Variants in SPTBN5 observed in about 807,000 individuals in gnomAD.
SPTBN5 encodes the protein spectrin beta, non-erythrocytic 5.
SPTBN5 carries 513 observed loss-of-function variants against 477.6 expected under a neutral mutation model. The ratio of observed to expected loss-of-function variants is 1.07; its 90% CI spans 1.00 to 1.16. SPTBN5 has a LOEUF of 1.16. Ranked by LOEUF, SPTBN5 falls within the 50% of genes most tolerant of loss-of-function variation. The pLI is 0.00. For synonymous variants in SPTBN5, 2,169 were observed against 2,011.7 expected (o/e 1.08, Z -2.09); for missense variants, 5,062 against 4,731.8 (o/e 1.07, Z -2.05).
intron 66 of SPTBN5, chr15:41,850,478 TAGA>T (rs2065716424): frequency 7.9e-6 from 2 of 254,390 alleles, no homozygotes; most frequent in Non-Finnish European, 1.5e-5. Flanking sequence ...GTCTGAGGAC[TAGA>T]AGGTTAGAGA....
chr15:41,850,919 A>G lies in SPTBN5; in HGVS notation c.10856T>C (p.Ile3619Thr). 3 of 1,600,148 alleles carry G rather than the reference A, an allele frequency of 1.9e-6. No individual in the cohort carries two copies. Among genetic ancestry groups the G allele is most frequent in the Non-Finnish European group, 2.6e-6 (3 of 1,175,550 alleles). ...FSLRLTSGAE[I>T]LFAAPSEEQA... ...CTCTTCGGACGGTGCTGCAAACAGG[A>G]TCTCTGCCCCACTGGTCAGCCTGGC... Residue 3619 changes from isoleucine (I) to threonine (T), a missense_variant, in exon 66 of 68, where the codon ATC (isoleucine) becomes ACC (threonine). Transcript: ENST00000320955.
In SPTBN5 at chr15:41,848,502, G is replaced by A. The variant is rs1314082096; in HGVS notation, c.*114C>T. 1.6e-6 allele frequency: 2 copies of A among 1,252,392 alleles called. No individual in the cohort carries two copies. Among genetic ancestry groups the A allele is most frequent in the East Asian group, 2.3e-5 (1 of 43,192 alleles). The allele number at this position is 1,252,392 out of a possible 1,614,324, so 77.6% of individuals were successfully genotyped here. A position where few individuals can be genotyped will look rare whatever the true frequency, so the allele number is the denominator to read the frequency against. ...TTCCAGAAGCTGGGCCTGGGGAACTGGGTTGAAGCAGCCACGGGAAGGAGC... is the reference window on the plus strand; with the variant it reads ...TTCCAGAAGCTGGGCCTGGGGAACTAGGTTGAAGCAGCCACGGGAAGGAGC... On this transcript the variant is annotated 3_prime_UTR_variant, in exon 68 of 68. Coordinates refer to ENST00000320955, the MANE Select transcript of SPTBN5 (RefSeq NM_016642.4).
chr15:41,860,621 C>T lies in SPTBN5; in HGVS notation c.7953G>A (p.Gln2651=). The change falls in exon 47 of 68, where the codon CAG becomes CAA. Residue 2651 remains glutamine, a synonymous_variant. Transcript: ENST00000320955. ...GLHQGGHPEA[Q]SALGRCQAML... The stretch of plus-strand genomic sequence containing the variant: ...TGGCCTGGCACCTGCCCAGGGCACT[C>T]TGGGCCTCGGGGTGCCCACCCTGGT... 1 of 1,520,228 alleles carries T rather than the reference C, an allele frequency of 6.6e-7. No homozygotes were observed. Among genetic ancestry groups the T allele is most frequent in the Non-Finnish European group, 8.8e-7 (1 of 1,132,154 alleles). 94.2% of individuals were successfully genotyped at this position (1,520,228 alleles called of 1,614,324 possible).
At chr15:41,890,286 T>C (rs1358571527) in intron 3 of SPTBN5, 81 bp from the exon 4 acceptor site, 1 of 946,570 alleles carries the variant, frequency 1.1e-6, no homozygotes, top group Non-Finnish European at 1.7e-6. Flanking sequence ...GGGGGCCAGC[T>C]GCGGGATGGG....
intron 66 of SPTBN5, 121 bp from the exon 67 acceptor site, chr15:41,850,080 C>A: frequency 3.6e-6 from 3 of 834,130 alleles, no homozygotes; most frequent in South Asian, 1.5e-5. Flanking sequence ...CTGGCTATGC[C>A]AGGCCCTTCC....
intron 66 of SPTBN5, 34 bp downstream of exon 66, chr15:41,850,820 G>A: frequency 6.5e-7 from 1 of 1,547,022 alleles, no homozygotes; most frequent in Non-Finnish European, 8.7e-7. Flanking sequence ...CAGGGAGTCG[G>A]CCGCCCTCCC....
At chr15:41,849,530 C>T (rs1426185442) in intron 67 of SPTBN5, among the ~76,000 whole-genome samples, 1 of 152,200 alleles carries the variant, frequency 6.6e-6, no homozygotes, top group Non-Finnish European at 1.5e-5. Flanking sequence ...CAGGCAGGCT[C>T]TCAGCACTGG....
chr15:41,868,685 C>T (rs1017439839), intron 32 of SPTBN5, 84 bp from the exon 33 acceptor site: 6 of 1,413,148 alleles, frequency 4.2e-6, no homozygotes, highest in Non-Finnish European at 3.9e-6. Context: ...CTGCAGCCCA[C>T]CTGAGTCCAC....
rs1337314067 is a variant in SPTBN5, at chr15:41,852,891, T to C, written c.10280A>G (p.Gln3427Arg). Residue 3427 changes from glutamine to arginine, a missense_variant, in exon 60 of 68, where the codon CAG becomes CGG. Coordinates refer to ENST00000320955, the MANE Select transcript of SPTBN5 (RefSeq NM_016642.4). ...CCAGGCCTCAGCCTGCTCCAGCCTC[T>C]GCCGAAGCTTCTGCAGGCCCCAGCT... ...AESWGLQKLR[Q>R]RLEQAEAWLA... 10 of 1,608,020 alleles carry C rather than the reference T, an allele frequency of 6.2e-6. No individual in the cohort carries two copies. In the East Asian group the frequency reaches 1.1e-4, roughly 18 times the overall value.
chr15:41,866,349 C>A lies in SPTBN5; in HGVS notation c.6625G>T (p.Ala2209Ser). ...QAHEEVMTSV[A>S]KKGEALLAQS... ...GCTGAGGGCCCGGTTGTTACCTTGG[C>A]AACAGAGGTCATGACCTCCTCATGG... The change falls in exon 37 of 68, where the codon GCC becomes TCC. Residue 2209 changes from alanine (A) to serine (S), a missense_variant. Ala to Ser is a moderately conservative substitution (Grantham distance 99, BLOSUM62 1). Transcript: ENST00000320955. 6.3e-7 allele frequency: 1 copy of A among 1,594,292 alleles called. No individual in the cohort carries two copies. Among genetic ancestry groups the A allele is most frequent in the South Asian group, 1.1e-5 (1 of 88,406 alleles).
intron 22 of SPTBN5, 80 bp downstream of exon 22, chr15:41,875,378 C>G: frequency 6.7e-7 from 1 of 1,481,486 alleles, no homozygotes. Context: ...GCAGAACACC[C>G]AGACTTCTCC....
At position 41,877,306 on chromosome 15, in the gene SPTBN5, G is replaced by C; in HGVS notation, c.3521C>G (p.Pro1174Arg). The change falls in exon 18 of 68, where the codon CCA becomes CGA. Residue 1174 changes from proline (P) to arginine (R), a missense_variant. By Grantham distance (103) the Pro-to-Arg change is moderately radical (BLOSUM62 -2). Transcript: ENST00000320955. ...QSQPMAALDC[P>R]DSQEVPNTLR... is the part of the protein sequence containing the mutation. ...AGTGTTGGGCACCTCTTGGGAGTCTGGGCAGTCCAAGGCTGCCATGGGCTG... is the reference window on the plus strand; with the variant it reads ...AGTGTTGGGCACCTCTTGGGAGTCTCGGCAGTCCAAGGCTGCCATGGGCTG... The C allele has an allele frequency of 6.2e-7, 1 of 1,612,612 alleles. No individual in the cohort carries two copies. Among genetic ancestry groups the C allele is most frequent in the Non-Finnish European group, 8.5e-7 (1 of 1,179,418 alleles).
Position 41,853,756 on chromosome 15 carries a change from G to A in SPTBN5, c.9806C>T (p.Ala3269Val). 6.3e-7 allele frequency: 1 copy of A among 1,577,408 alleles called. No homozygotes were observed. ...RELEAMEKEVARLQTEACRLG... is the reference protein window; with the variant it reads ...RELEAMEKEVVRLQTEACRLG... ...TCGGCAGGCCTCCGTCTGTAGCCGT[G>A]CCACCTCCTTCTCCATAGCTTCCAG... The change falls in exon 58 of 68, where the codon GCA (alanine) becomes GTA (valine). Residue 3269 changes from alanine (A) to valine (V), a missense_variant. Ala to Val is a moderately conservative substitution (Grantham distance 64). Coordinates refer to ENST00000320955, the MANE Select transcript of SPTBN5 (RefSeq NM_016642.4).
At chr15:41,870,397 G>T in intron 30 of SPTBN5, 44 bp from the exon 31 acceptor site, 1 of 1,607,156 alleles carries the variant, frequency 6.2e-7, no homozygotes, top group East Asian at 2.2e-5. Flanking sequence ...TGGAGCGTGG[G>T]CACTGAGCCT....
At chr15:41,892,088 C>A (rs1023302489) in intron 3 of SPTBN5, among the ~76,000 whole-genome samples, 5 of 152,208 alleles carry the variant, frequency 3.3e-5, no homozygotes, top group Non-Finnish European at 5.9e-5. Flanking sequence ...CACTCCCATT[C>A]CCTTTGCTTG....
rs373781322 is a variant in SPTBN5 at position 41,885,756 on chromosome 15, C to T, written c.1499G>A (p.Ser500Asn). 28 of 1,557,150 alleles carry T rather than the reference C, an allele frequency of 1.8e-5. No homozygotes were observed. In the East Asian group the frequency reaches 6.0e-4, roughly 34 times the overall value. ...TCACCTGCGGGCCACATCTGCCCAG[C>T]TGTGGTACTGCTCCTGCCGGAGGAT... ...ADILRQEQYH[S>N]WADVARRQEE... The change falls in exon 7 of 68, where the codon AGC becomes AAC. Residue 500 changes from serine (S) to asparagine (N), a missense_variant. Transcript: ENST00000320955.
Position 41,881,995 on chromosome 15 carries a change from C to T in SPTBN5, c.2398G>A (p.Glu800Lys), listed in dbSNP as rs1442887025. Residue 800 changes from glutamate (E) to lysine (K), a missense_variant, in exon 12 of 68, where the codon GAG (glutamate) becomes AAG (lysine). Glu to Lys is a moderately conservative substitution (Grantham distance 56). Transcript: ENST00000320955. ...LERVLRAFAA[E>K]LRRLEEQGRA... Reference sequence around the variant, plus strand: ...CCCTGCTCCTCCAGCCGCCGCAGCTCGGCCGCGAAGGCGCGCAGGACGCGC... The same window carrying T: ...CCCTGCTCCTCCAGCCGCCGCAGCTTGGCCGCGAAGGCGCGCAGGACGCGC... 1.3e-6 allele frequency: 2 copies of T among 1,537,000 alleles called. No individual in the cohort carries two copies. The highest frequency in any genetic ancestry group is 8.7e-7 in the Non-Finnish European group (1 of 1,151,140).
Position 41,849,840 on chromosome 15 carries a change from G to GCCCTGCTTCCCCCA in SPTBN5, c.11012+15_11012+28dup, listed in dbSNP as rs1567177347. ...CAGCCACTGAAGCCCAGGGCTCCCCGCCCTGCTTCCCCCACCCAGGTGTCC... is the reference window on the plus strand; with the variant it reads ...CAGCCACTGAAGCCCAGGGCTCCCCGCCCTGCTTCCCCCACCCTGCTTCCCCCACCCAGGTGTCC... On this transcript the variant is annotated intron_variant, in intron 67 of 67. Transcript: ENST00000320955. The GCCCTGCTTCCCCCA allele has an allele frequency of 1.9e-6, 3 of 1,540,508 alleles. No individual in the cohort carries two copies. The Admixed American group carries it at 5.9e-5, about 30-fold the overall frequency.
chr15:41,863,426 C>T (rs2066185623), intron 41 of SPTBN5, among the ~76,000 whole-genome samples: 1 of 152,204 alleles, frequency 6.6e-6, no homozygotes, highest in Non-Finnish European at 1.5e-5. Context: ...GTTTTCTGGC[C>T]TCTGGACCTG....
Sources: gnomAD v4.1 joint callset for allele counts (sites outside exome capture counted in the v4.1 genomes callset) on GRCh38, gnomAD v4.1.1 for gene constraint, MANE v1.5 for transcripts, NCBI Gene and HGNC (gene_info 2026-07-23, HGNC 2026-07-21) for gene names.